The following NF1 variants were observed in gnomAD, a reference collection of about 807,000 sequenced individuals.
The protein encoded by NF1 is neurofibromin 1.
Under a neutral mutation model 325.7 loss-of-function variants are expected in NF1, and 122 were observed. The ratio of observed to expected loss-of-function variants is 0.37; its 90% CI spans 0.32 to 0.44. NF1 has a LOEUF of 0.44. Ranked by LOEUF, NF1 falls within the 20% of genes least tolerant of loss-of-function variation. The pLI is 1.00. For synonymous variants in NF1, 1,091 were observed against 1,186.0 expected (o/e 0.92, Z 1.65); for missense variants, 2,140 against 3,415.4 (o/e 0.63, Z 9.31).
chr17:31,330,529 C>T lies in NF1; in HGVS notation c.5812+31C>T, dbSNP rs775005791. On this transcript the variant is annotated intron_variant, in intron 39 of 57. Coordinates refer to ENST00000358273, the MANE Select transcript of NF1 (RefSeq NM_001042492.3). Reference sequence around the variant, plus strand: ...TAATGATAATTTTCTTTAATACTAACAATTATTCTAAGAGAATTCAAAGAA... The same window carrying T: ...TAATGATAATTTTCTTTAATACTAATAATTATTCTAAGAGAATTCAAAGAA... 6 of 1,446,528 alleles carry T rather than the reference C, an allele frequency of 4.1e-6. No individual in the cohort carries two copies. In the African/African-American group the frequency reaches 8.4e-5, roughly 20 times the overall value. 89.6% of individuals were successfully genotyped at this position (1,446,528 alleles called of 1,614,324 possible). A position where few individuals can be genotyped will look rare whatever the true frequency, so the allele number is the denominator to read the frequency against.
At chr17:31,162,364 C>G (rs1451117062) in intron 3 of NF1, among the ~76,000 whole-genome samples, 1 of 152,208 alleles carries the variant, frequency 6.6e-6, no homozygotes, top group African/African-American at 2.4e-5. Flanking sequence ...GTAATCCCAG[C>G]TATTAGGGAG....
rs200594167 is a variant in NF1 at position 31,232,743 on chromosome 17, G to A, written c.3358G>A (p.Val1120Ile). The A allele has an allele frequency of 1.2e-6, 2 of 1,613,794 alleles. No homozygotes were observed. The highest frequency in any genetic ancestry group is 1.7e-6 in the Non-Finnish European group (2 of 1,179,962). ...GAACCTTTTGAATGACTGCAGTGAAGTTGAAGATGAAAGTGCGCAAACAGG... is the reference window on the plus strand; with the variant it reads ...GAACCTTTTGAATGACTGCAGTGAAATTGAAGATGAAAGTGCGCAAACAGG... The part of the protein sequence containing the change: ...FMNLLNDCSE[V>I]EDESAQTGGR... The change falls in exon 26 of 58, where the codon GTT becomes ATT. Residue 1120 changes from valine (V) to isoleucine (I), a missense_variant. Transcript: ENST00000358273.
intron 5 of NF1, among the ~76,000 whole-genome samples, chr17:31,174,759 A>G (rs2065988892): frequency 6.6e-6 from 1 of 152,208 alleles, no homozygotes; most frequent in Admixed American, 6.5e-5. Context: ...AGTGTATCAT[A>G]CTAAAAATAC....
Position 31,336,391 on chromosome 17 carries a change from G to T in NF1, c.6065G>T (p.Gly2022Val), listed in dbSNP as rs1555534606. ...TTCATCAAAACCAGTGCAACAGGTG[G>T]CTTGGGATCAATAAAAGCTGAGGTG... The part of the protein sequence containing the change: ...DSFIKTSATG[G>V]LGSIKAEVMA... Residue 2022 changes from glycine (G) to valine (V), a missense_variant, in exon 41 of 58, where the codon GGC becomes GTC. This residue lies in a region of NF1 where 180 missense variants were observed against 435.1 expected (regional missense o/e 0.41). Transcript: ENST00000358273. The surrounding 1 kb of genome is among the most constrained non-coding windows in gnomAD (Gnocchi z 5.5). 6.2e-7 allele frequency: 1 copy of T among 1,614,006 alleles called. No homozygotes were observed. The highest frequency in any genetic ancestry group is 8.5e-7 in the Non-Finnish European group (1 of 1,179,966).
intron 8 of NF1, among the ~76,000 whole-genome samples, chr17:31,189,631 A>G (rs1036771012): frequency 6.6e-6 from 1 of 152,116 alleles, no homozygotes; most frequent in African/African-American, 2.4e-5. Context: ...AAATGGAATC[A>G]TTCAGCATGT....
chr17:31,154,780 G>A (rs1457709899), intron 1 of NF1, among the ~76,000 whole-genome samples: 1 of 123,416 alleles, frequency 8.1e-6, no homozygotes, highest in African/African-American at 3.2e-5. Context: ...TCGCCCGATC[G>A]CCAGGCTGGA....
At chr17:31,187,119 A>G (rs1386132894) in intron 8 of NF1, among the ~76,000 whole-genome samples, 1 of 152,154 alleles carries the variant, frequency 6.6e-6, no homozygotes, top group Non-Finnish European at 1.5e-5. Context: ...GGTATTCCAC[A>G]CAGCATTGCC....
At chr17:31,235,883 A>G in intron 28 of NF1, 35 bp from the exon 29 acceptor site, 1 of 1,607,318 alleles carries the variant, frequency 6.2e-7, no homozygotes, top group Non-Finnish European at 8.5e-7. Context: ...TATATGGAGC[A>G]GGTATAATAA....
At chr17:31,353,214 A>T (rs1465565202) in intron 51 of NF1, among the ~76,000 whole-genome samples, 1 of 152,136 alleles carries the variant, frequency 6.6e-6, no homozygotes, top group Non-Finnish European at 1.5e-5. Context: ...CGGCCGGAAG[A>T]TAGGATTCTT....
chr17:31,286,602 CTA>C (rs1277025618), intron 36 of NF1, among the ~76,000 whole-genome samples: 1 of 152,088 alleles, frequency 6.6e-6, no homozygotes, highest in African/African-American at 2.4e-5. Flanking sequence ...ATAGGTGAAA[CTA>C]TTTTTAAACA....
intron 36 of NF1, among the ~76,000 whole-genome samples, chr17:31,310,469 G>A (rs911418168): frequency 6.6e-6 from 1 of 152,096 alleles, no homozygotes; most frequent in African/African-American, 2.4e-5. Context: ...AAGAAGCAAC[G>A]GCAAAATGCT....
chr17:31,199,674 A>G (rs1320430811), intron 8 of NF1, among the ~76,000 whole-genome samples: 3 of 152,210 alleles, frequency 2.0e-5, no homozygotes, highest in Admixed American at 6.5e-5. Flanking sequence ...TTTTTGAGAA[A>G]CAAATTTAGA....
intron 36 of NF1, among the ~76,000 whole-genome samples, chr17:31,268,999 C>T (rs2067841974): frequency 6.6e-6 from 1 of 152,154 alleles, no homozygotes; most frequent in East Asian, 1.9e-4. Context: ...AGCCACCACA[C>T]CTGGCCTAAT....
intron 36 of NF1, among the ~76,000 whole-genome samples, chr17:31,266,718 T>G (rs1256859633): frequency 6.8e-6 from 1 of 146,126 alleles, no homozygotes; most frequent in Non-Finnish European, 1.5e-5. Context: ...AGCAAAGATT[T>G]CTGGAAAACA....
intron 29 of NF1, among the ~76,000 whole-genome samples, chr17:31,242,610 C>T (rs1478362558): frequency 2.0e-5 from 3 of 152,088 alleles, no homozygotes; most frequent in African/African-American, 7.2e-5. Context: ...CTGCATTTTT[C>T]GTCTCCAGAA....
intron 47 of NF1, among the ~76,000 whole-genome samples, chr17:31,342,417 G>A (rs985621242): frequency 6.6e-6 from 1 of 152,108 alleles, no homozygotes; most frequent in Non-Finnish European, 1.5e-5. Context: ...GGCCAACATG[G>A]TGACACCCTG....
At chr17:31,261,584 G>A in intron 34 of NF1, 127 bp from the exon 35 acceptor site, 1 of 910,044 alleles carries the variant, frequency 1.1e-6, no homozygotes, top group Non-Finnish European at 1.8e-6. Flanking sequence ...ATGGTCCTGA[G>A]GTCTTTTTGG....
intron 29 of NF1, among the ~76,000 whole-genome samples, chr17:31,246,983 T>G (rs1436678745): frequency 1.3e-5 from 2 of 151,826 alleles, no homozygotes; most frequent in Admixed American, 6.6e-5. Flanking sequence ...GATCATAAGG[T>G]CAAGAGATCT....
At chr17:31,135,227 T>G (rs1053038676) in intron 1 of NF1, among the ~76,000 whole-genome samples, 11 of 152,156 alleles carry the variant, frequency 7.2e-5, no homozygotes, top group African/African-American at 2.7e-4. Context: ...TGTGTCAGTT[T>G]TGTGTGTGTG....
Sources: gnomAD v4.1 joint callset for allele counts (sites outside exome capture counted in the v4.1 genomes callset) on GRCh38, gnomAD v4.1.1 for gene constraint, gnomAD v4.1.1 regional missense constraint, Gnocchi (gnomAD v3.1) non-coding constraint, MANE v1.5 for transcripts, NCBI Gene and HGNC (gene_info 2026-07-23, HGNC 2026-07-21) for gene names.